The following SAP130 variants were observed in gnomAD, a reference collection of about 807,000 sequenced individuals.
The protein encoded by SAP130 is histone deacetylase complex subunit SAP130.
In SAP130, 16 loss-of-function variants were observed where a neutral mutation model predicts 103.2. That is an observed-to-expected ratio of 0.16 (90% CI 0.10 to 0.24). SAP130 has a LOEUF of 0.24. SAP130 is among the 10% of genes least tolerant of loss of function. The pLI is 1.00. For missense variants in SAP130, 990 were observed against 1,359.7 expected, an observed-to-expected ratio of 0.73 and a Z score of 4.28; for synonymous variants, 477 against 497.0, an observed-to-expected ratio of 0.96 and a Z score of 0.53.
intron 3 of SAP130, 91 bp from the exon 4 acceptor site, chr2:128,016,638 G>GA: frequency 7.2e-7 from 1 of 1,397,042 alleles, no homozygotes; most frequent in Non-Finnish European, 9.7e-7. Flanking sequence ...ATCGAACCTG[G>GA]AAAGTGCCAG....
chr2:128,004,831 A>G (rs1055529334), intron 7 of SAP130, among the ~76,000 whole-genome samples: 2 of 152,206 alleles, frequency 1.3e-5, no homozygotes, highest in African/African-American at 4.8e-5. Flanking sequence ...ACAAAATTCA[A>G]ACACAGGACA....
chr2:128,008,512 A>C (rs1024928401), intron 7 of SAP130, among the ~76,000 whole-genome samples: 7 of 147,716 alleles, frequency 4.7e-5, no homozygotes, highest in Admixed American at 2.0e-4. Flanking sequence ...CTATAGGTAC[A>C]TGCCACCACG....
chr2:127,981,257 G>A (rs1336719466), intron 14 of SAP130, among the ~76,000 whole-genome samples: 3 of 151,678 alleles, frequency 2.0e-5, no homozygotes, highest in African/African-American at 4.9e-5. Context: ...TCCAGGATGC[G>A]GGTAAAGACA....
intron 5 of SAP130, among the ~76,000 whole-genome samples, chr2:128,014,442 T>G (rs1345739593): frequency 8.3e-6 from 1 of 120,952 alleles, no homozygotes; most frequent in Non-Finnish European, 1.8e-5. Context: ...CTGAGTGCCA[T>G]CCTCCCATCT....
At chr2:127,950,504 CA>C in intron 16 of SAP130, 96 bp from the exon 17 acceptor site, 1 of 1,356,708 alleles carries the variant, frequency 7.4e-7, no homozygotes. Flanking sequence ...AAGAAGACAG[CA>C]CAGAGCACCA....
In SAP130 at chr2:127,986,754, G is replaced by A. The variant is rs1682425612; in HGVS notation, c.1958+31C>T. The A allele has an allele frequency of 7.5e-6, 12 of 1,602,874 alleles. No individual in the cohort carries two copies. The Middle Eastern group carries it at 5.6e-4, about 75-fold the overall frequency. On this transcript the variant is annotated intron_variant, in intron 14 of 20. Coordinates refer to ENST00000643581, the MANE Select transcript of SAP130 (RefSeq NM_001330301.2). This position sits in a 1 kb window ranked among gnomAD's most constrained non-coding sequence, Gnocchi z 4.7. ...TATACCAGTTATATCCAGAACCAGA[G>A]GTGTCATTCGGCACTACCAGGTCTA...
chr2:128,018,327 A>C (rs1479438375), intron 2 of SAP130, among the ~76,000 whole-genome samples: 4 of 149,964 alleles, frequency 2.7e-5, no homozygotes, highest in Non-Finnish European at 4.4e-5. Flanking sequence ...AAAAAAAAAA[A>C]AAAACAAACC....
chr2:127,996,580 G>A lies in SAP130; in HGVS notation c.1214-89C>T. The stretch of plus-strand genomic sequence containing the variant: ...CTTGGCTAGCAGCAATCTTAGGAAA[G>A]CAAACAATTAAAATAAGCCTGGATT... On this transcript the variant is annotated intron_variant, in intron 10 of 20. Transcript: ENST00000643581. This position sits in a 1 kb window ranked among gnomAD's most constrained non-coding sequence, Gnocchi z 4.3. 1.3e-5 allele frequency: 16 copies of A among 1,186,986 alleles called. No individual in the cohort carries two copies. The highest frequency in any genetic ancestry group is 2.6e-4 in the Middle Eastern group (1 of 3,800). 73.5% of individuals were successfully genotyped at this position (1,186,986 alleles called of 1,614,324 possible). A position where few individuals can be genotyped will look rare whatever the true frequency, so the allele number is the denominator to read the frequency against.
intron 3 of SAP130, 91 bp from the exon 4 acceptor site, chr2:128,016,638 G>T: frequency 2.9e-6 from 4 of 1,397,042 alleles, no homozygotes; most frequent in Non-Finnish European, 3.9e-6. Flanking sequence ...ATCGAACCTG[G>T]AAAGTGCCAG....
chr2:128,016,660 T>A, intron 3 of SAP130, 113 bp from the exon 4 acceptor site: 1 of 1,132,640 alleles, frequency 8.8e-7, no homozygotes. Flanking sequence ...AAAGATGCCG[T>A]AAGCTTTATA....
chr2:127,998,762 AG>A (rs978284327), intron 10 of SAP130, among the ~76,000 whole-genome samples: 1 of 152,222 alleles, frequency 6.6e-6, no homozygotes, highest in African/African-American at 2.4e-5. Context: ...GAGGGTCAGG[AG>A]GAAACTAGAC....
At chr2:127,975,420 CTGTA>C (rs1302951382) in intron 15 of SAP130, among the ~76,000 whole-genome samples, 1 of 152,144 alleles carries the variant, frequency 6.6e-6, no homozygotes, top group African/African-American at 2.4e-5. Flanking sequence ...TTGTAAAAAG[CTGTA>C]TGGACCATAT....
At chr2:127,961,746 C>G (rs750836136) in intron 15 of SAP130, among the ~76,000 whole-genome samples, 6 of 152,136 alleles carry the variant, frequency 3.9e-5, no homozygotes, top group Non-Finnish European at 7.4e-5. Flanking sequence ...TGCCCAGCCA[C>G]AGTGGACGAA....
At chr2:127,970,822 C>T (rs906340572) in intron 15 of SAP130, among the ~76,000 whole-genome samples, 6 of 152,114 alleles carry the variant, frequency 3.9e-5, no homozygotes, top group Admixed American at 1.3e-4. Context: ...GGCTGCATTC[C>T]GAGGTACTGG....
chr2:128,000,294 CT>C lies in SAP130; in HGVS notation c.1017+12del. 2 of 1,614,130 alleles carry C rather than the reference CT, an allele frequency of 1.2e-6. No homozygotes were observed. Among genetic ancestry groups the C allele is most frequent in the Non-Finnish European group, 1.7e-6 (2 of 1,179,978 alleles). The stretch of plus-strand genomic sequence containing the variant: ...AACAAAGTACACAGGTGGTTCTCCA[CT>C]TTTGGTTTTACCTGAGCCATTGTAT... On this transcript the variant is annotated intron_variant, in intron 8 of 20. Transcript: ENST00000643581.
chr2:127,975,147 C>T (rs1681368657), intron 15 of SAP130, among the ~76,000 whole-genome samples: 1 of 152,198 alleles, frequency 6.6e-6, no homozygotes, highest in African/African-American at 2.4e-5. Flanking sequence ...CTTCTTAAGT[C>T]TGGTAATGAT....
At chr2:127,999,964 T>C (rs912831587) in intron 9 of SAP130, 92 bp downstream of exon 9, 14 of 1,471,172 alleles carry the variant, frequency 9.5e-6, no homozygotes, top group Middle Eastern at 3.5e-4. Context: ...GCCCGTTGTT[T>C]TTCTCTGACT....
chr2:127,965,910 T>C (rs1002563892), intron 15 of SAP130, among the ~76,000 whole-genome samples: 4 of 150,442 alleles, frequency 2.7e-5, no homozygotes, highest in African/African-American at 9.7e-5. Context: ...CTGCTAGAAC[T>C]GATGAGGCCT....
At chr2:128,005,161 A>G (rs1197223853) in intron 7 of SAP130, among the ~76,000 whole-genome samples, 2 of 152,228 alleles carry the variant, frequency 1.3e-5, no homozygotes, top group African/African-American at 4.8e-5. Flanking sequence ...AAGACAAAAT[A>G]TATGGGCAGA....
Sources: allele counts gnomAD v4.1 joint callset (sites outside exome capture counted in the v4.1 genomes callset), GRCh38; gene constraint gnomAD v4.1.1; non-coding constraint Gnocchi (gnomAD v3.1); transcripts MANE v1.5; gene names NCBI Gene and HGNC (gene_info 2026-07-23, HGNC 2026-07-21).